SOX5: variants seen among roughly 807,000 people sequenced by gnomAD.
The protein encoded by SOX5 is SRY-box transcription factor 5.
In SOX5, 9 loss-of-function variants were observed where a neutral mutation model predicts 92.0. That is an observed-to-expected ratio of 0.10 (90% confidence interval 0.06 to 0.17). SOX5 has a LOEUF of 0.17. Ranked by LOEUF, SOX5 falls within the 10% of genes least tolerant of loss-of-function variation. The pLI, the probability that SOX5 is intolerant of heterozygous loss-of-function variation, is 1.00. For missense variants in SOX5, 642 were observed against 944.5 expected (o/e 0.68, Z 4.20); for synonymous variants, 344 against 336.3 (o/e 1.02, Z -0.25).
intron 1 of SOX5, among the ~76,000 whole-genome samples, chr12:24,419,130 T>A (rs1965508819): frequency 6.6e-6 from 1 of 150,464 alleles, no homozygotes; most frequent in Non-Finnish European, 1.5e-5. Flanking sequence ...GAAGAAAGAT[T>A]TTTTTTTTTA....
At chr12:23,729,840 T>C (rs949550123) in intron 6 of SOX5, among the ~76,000 whole-genome samples, 4 of 152,208 alleles carry the variant, frequency 2.6e-5, no homozygotes, top group Middle Eastern at 3.2e-3. Context: ...TTAGCCCTAT[T>C]AGTTGCTGTA....
chr12:24,026,979 G>T (rs182740277), intron 4 of SOX5, among the ~76,000 whole-genome samples: 1 of 152,120 alleles, frequency 6.6e-6, no homozygotes, highest in Admixed American at 6.6e-5. Flanking sequence ...TAGTCCCTTT[G>T]CCTAACATGG....
At chr12:24,144,830 A>T (rs910747280) in intron 4 of SOX5, among the ~76,000 whole-genome samples, 2 of 150,550 alleles carry the variant, frequency 1.3e-5, no homozygotes, top group Admixed American at 1.3e-4. Flanking sequence ...CCCTGTCTCA[A>T]AAAAAAGAAA....
At chr12:24,290,181 A>G (rs1754844001) in intron 2 of SOX5, among the ~76,000 whole-genome samples, 1 of 152,198 alleles carries the variant, frequency 6.6e-6, no homozygotes, top group Admixed American at 6.5e-5. Flanking sequence ...CAGAAAACAT[A>G]AGCATACTGT....
At chr12:24,385,939 AAAAAAAGAG>A (rs1273749237) in intron 1 of SOX5, among the ~76,000 whole-genome samples, 6 of 150,404 alleles carry the variant, frequency 4.0e-5, no homozygotes, top group Non-Finnish European at 5.9e-5. Context: ...AAAAAAAAAA[AAAAAAAGAG>A]AGAGAGATTT....
At chr12:24,124,960 T>G (rs1948971754) in intron 4 of SOX5, among the ~76,000 whole-genome samples, 1 of 152,180 alleles carries the variant, frequency 6.6e-6, no homozygotes, top group Non-Finnish European at 1.5e-5. Context: ...TTCCTCAAAC[T>G]CTAAGCACAA....
Position 23,991,764 on chromosome 12 carries a change from A to T in SOX5, c.-1-95740T>A, listed in dbSNP as rs867251123. ...AATACAGGAGGTTTTTTTTTTTTTT[A>T]CTTTATACATAATTATGCAGTACGA... On this transcript the variant is annotated intron_variant, in intron 4 of 4. Coordinates refer to the SOX5 transcript ENST00000446891. Among the ~76,000 whole-genome samples, 253 of 146,358 alleles carry T rather than the reference A, an allele frequency of 1.7e-3. 1 individual carries two copies. Among genetic ancestry groups the T allele is most frequent in the African/African-American group, 5.4e-3 (217 of 40,080 alleles).
chr12:24,079,406 G>A (rs1943054487), intron 4 of SOX5, among the ~76,000 whole-genome samples: 1 of 151,882 alleles, frequency 6.6e-6, no homozygotes, highest in South Asian at 2.1e-4. Context: ...ATGCAACTTT[G>A]AGGAAAGTTA....
intron 1 of SOX5, among the ~76,000 whole-genome samples, chr12:24,538,598 AACACAC>A (rs60114784): frequency 0.02 from 2,875 of 143,816 alleles, 39 homozygotes; most frequent in Non-Finnish European, 0.029. Context: ...GCTGGATCTA[AACACAC>A]ACACACACAC....
chr12:23,881,877 G>A (rs1456803184), intron 2 of SOX5, among the ~76,000 whole-genome samples: 3 of 151,794 alleles, frequency 2.0e-5, no homozygotes, highest in South Asian at 2.1e-4. Flanking sequence ...AAAAAGGGGG[G>A]GAAACATGTG....
intron 3 of SOX5, among the ~76,000 whole-genome samples, chr12:23,791,264 T>C (rs11047098): frequency 0.33 from 50,526 of 152,098 alleles, 8,902 homozygotes; most frequent in East Asian, 0.64. Flanking sequence ...ATTGTTTTCC[T>C]GAACTATGCA....
intron 3 of SOX5, among the ~76,000 whole-genome samples, chr12:23,812,251 G>GT (rs1229497395): frequency 6.6e-6 from 1 of 151,860 alleles, no homozygotes; most frequent in Non-Finnish European, 1.5e-5. Context: ...ATATATTACT[G>GT]TTTTTTTAAT....
At chr12:23,591,894 T>G (rs988318716) in intron 9 of SOX5, among the ~76,000 whole-genome samples, 1 of 152,216 alleles carries the variant, frequency 6.6e-6, no homozygotes. Context: ...AAGAGAAGAA[T>G]TTTTGTAGTA....
intron 4 of SOX5, among the ~76,000 whole-genome samples, chr12:23,974,155 G>GTC (rs757869849): frequency 2.0e-5 from 3 of 151,950 alleles, no homozygotes; most frequent in African/African-American, 7.3e-5. Context: ...TACGAATGTA[G>GTC]TCTCTCTCTC....
At chr12:23,993,891 G>C (rs904147593) in intron 4 of SOX5, among the ~76,000 whole-genome samples, 20 of 151,794 alleles carry the variant, frequency 1.3e-4, no homozygotes, top group African/African-American at 4.6e-4. Flanking sequence ...ATGTATGTAT[G>C]TATGTATGTA....
intron 2 of SOX5, among the ~76,000 whole-genome samples, chr12:24,340,422 G>A (rs1358974592): frequency 1.3e-5 from 2 of 152,216 alleles, no homozygotes. Context: ...ACAGAGACCA[G>A]CTTGACACAA....
rs185632539 is a variant in SOX5, at chr12:23,803,846, G to A, written c.481+42137C>T. Among the ~76,000 whole-genome samples the A allele has an allele frequency of 4.6e-5, 7 of 152,184 alleles. No individual in the cohort carries two copies. The East Asian group carries it at 9.7e-4, about 21-fold the overall frequency. The stretch of plus-strand genomic sequence containing the variant: ...CTGAATTTGAAAAGACACATGAACC[G>A]CATTCCAGAAAGTGAGGGGTTAAGA... On this transcript the variant is annotated intron_variant, in intron 3 of 14. Transcript: ENST00000451604.
chr12:24,538,554 C>G (rs994461804), intron 1 of SOX5, among the ~76,000 whole-genome samples: 4 of 151,692 alleles, frequency 2.6e-5, no homozygotes, highest in African/African-American at 9.7e-5. Flanking sequence ...AGATCTCCAT[C>G]TCTCTGCCAG....
chr12:23,700,409 A>C (rs2090466167), intron 6 of SOX5, among the ~76,000 whole-genome samples: 1 of 152,078 alleles, frequency 6.6e-6, no homozygotes, highest in Non-Finnish European at 1.5e-5. Context: ...TTCTCTCTTG[A>C]GACTTTTCAT....
Sources: gnomAD v4.1 joint callset for allele counts (sites outside exome capture counted in the v4.1 genomes callset) on GRCh38, gnomAD v4.1.1 for gene constraint, MANE v1.5 for transcripts, NCBI Gene and HGNC (gene_info 2026-07-23, HGNC 2026-07-21) for gene names.